Variants in NCKAP5 observed in about 807,000 individuals in gnomAD.
NCKAP5 encodes nck-associated protein 5.
Under a neutral mutation model 167.0 loss-of-function variants are expected in NCKAP5, and 92 were observed. That is an observed-to-expected ratio of 0.55 (90% CI 0.47 to 0.66). The LOEUF (loss-of-function observed/expected upper bound fraction) is 0.66. Ranked by LOEUF, NCKAP5 falls within the 30% of genes least tolerant of loss-of-function variation. The pLI, the probability that NCKAP5 is intolerant of heterozygous loss-of-function variation, is 0.00. For synonymous variants in NCKAP5, 891 were observed against 877.4 expected (o/e 1.02, Z -0.27); for missense variants, 2,378 against 2,315.0 (o/e 1.03, Z -0.56).
the NCKAP5 span, among the ~76,000 whole-genome samples, chr2:133,622,799 A>G: frequency 2.0e-5 from 3 of 151,990 alleles, no homozygotes; most frequent in Non-Finnish European, 4.4e-5. Flanking sequence ...GAACTAGAAA[A>G]AATCCTAATA....
chr2:133,127,699 C>G (rs1325291601), intron 6 of NCKAP5, among the ~76,000 whole-genome samples: 1 of 152,168 alleles, frequency 6.6e-6, no homozygotes, highest in African/African-American at 2.4e-5. Flanking sequence ...CAAGATCTGC[C>G]TCCTCCTATC....
intron 6 of NCKAP5, among the ~76,000 whole-genome samples, chr2:133,025,717 A>G (rs976053639): frequency 6.6e-6 from 1 of 152,210 alleles, no homozygotes; most frequent in African/African-American, 2.4e-5. Context: ...TTTCTAGCAC[A>G]GATTTTAGTG....
At chr2:133,039,928 G>C (rs2079157620) in intron 6 of NCKAP5, among the ~76,000 whole-genome samples, 2 of 152,134 alleles carry the variant, frequency 1.3e-5, no homozygotes, top group African/African-American at 2.4e-5. Context: ...TGAAGCTGTT[G>C]ATCATATACA....
intron 6 of NCKAP5, among the ~76,000 whole-genome samples, chr2:133,011,047 C>A (rs1293181768): frequency 6.6e-6 from 1 of 152,000 alleles, no homozygotes; most frequent in South Asian, 2.1e-4. Context: ...ACCAAATTCC[C>A]AAGTGATAGG....
intron 4 of NCKAP5, among the ~76,000 whole-genome samples, chr2:133,216,367 C>A (rs1195729774): frequency 6.6e-6 from 1 of 151,902 alleles, no homozygotes; most frequent in Admixed American, 6.6e-5. Context: ...GATGGAGAGC[C>A]TCAGGAGGAT....
intron 6 of NCKAP5, among the ~76,000 whole-genome samples, chr2:133,000,944 A>C (rs1201232070): frequency 1.3e-5 from 2 of 152,186 alleles, no homozygotes; most frequent in Non-Finnish European, 2.9e-5. Context: ...TCTATGGTGG[A>C]AAATTTAAGA....
At chr2:133,076,433 T>C (rs1402203901) in intron 6 of NCKAP5, among the ~76,000 whole-genome samples, 1 of 152,160 alleles carries the variant, frequency 6.6e-6, no homozygotes, top group Non-Finnish European at 1.5e-5. Context: ...TTCTAAATTC[T>C]AAATAAATCT....
chr2:133,192,941 A>G (rs1177560439), intron 5 of NCKAP5, among the ~76,000 whole-genome samples: 1 of 152,126 alleles, frequency 6.6e-6, no homozygotes, highest in Non-Finnish European at 1.5e-5. Flanking sequence ...AAACCTGTAC[A>G]CAAATGTTTA....
At chr2:133,443,537 A>C (rs1464863220) in intron 3 of NCKAP5, among the ~76,000 whole-genome samples, 2 of 151,330 alleles carry the variant, frequency 1.3e-5, no homozygotes, top group East Asian at 3.9e-4. Context: ...TTTCTTGCAC[A>C]CTCCCTCTCC....
rs2082543852 is a variant in NCKAP5, at chr2:133,130,037, C to T, written c.282G>A (p.Val94=). ...RLQSEKRLQE[V]TLESERNRIQ... is the part of the protein sequence containing the mutation. ...TTCTGTTGCGTTCAGACTCTAGGGT[C>T]ACCTCCTGCAACCGCTTCTCGCTTT... The change falls in exon 6 of 20, where the codon GTG becomes GTA. Residue 94 remains valine, a synonymous_variant. Transcript: ENST00000409261. The T allele has an allele frequency of 1.2e-6, 2 of 1,611,798 alleles. No homozygotes were observed. Among genetic ancestry groups the T allele is most frequent in the South Asian group, 1.1e-5 (1 of 90,502 alleles).
At chr2:133,180,520 G>T (rs1188219977) in intron 5 of NCKAP5, among the ~76,000 whole-genome samples, 1 of 151,894 alleles carries the variant, frequency 6.6e-6, no homozygotes, top group Non-Finnish European at 1.5e-5. Flanking sequence ...GTATTTTTTT[G>T]TAGAGACGCG....
At chr2:132,842,529 T>G (rs758298390) in intron 11 of NCKAP5, among the ~76,000 whole-genome samples, 4 of 151,980 alleles carry the variant, frequency 2.6e-5, no homozygotes, top group Non-Finnish European at 4.4e-5. Context: ...TTTGAGGATA[T>G]CCAACTTCCA....
At chr2:133,340,932 G>A (rs932416379) in intron 3 of NCKAP5, among the ~76,000 whole-genome samples, 1 of 152,118 alleles carries the variant, frequency 6.6e-6, no homozygotes, top group Non-Finnish European at 1.5e-5. Flanking sequence ...CACTTCTCAT[G>A]CAACACTGCA....
At chr2:132,787,387 A>G (rs1442907175) in intron 13 of NCKAP5, among the ~76,000 whole-genome samples, 1 of 151,606 alleles carries the variant, frequency 6.6e-6, no homozygotes, top group Non-Finnish European at 1.5e-5. Context: ...TTAATGGTAA[A>G]GAGCTTCAAG....
chr2:133,662,888 T>C, the NCKAP5 span, among the ~76,000 whole-genome samples: 3,116 of 151,736 alleles, frequency 0.021, 143 homozygotes, highest in East Asian at 0.19. Flanking sequence ...AAAGTGATGT[T>C]CACACTATGC....
chr2:133,097,481 G>T (rs2081379068), intron 6 of NCKAP5, among the ~76,000 whole-genome samples: 1 of 152,130 alleles, frequency 6.6e-6, no homozygotes, highest in Non-Finnish European at 1.5e-5. Context: ...AGCCTCTGAT[G>T]AAATGCAAGT....
chr2:132,756,111 G>A (rs1163835893), intron 16 of NCKAP5, among the ~76,000 whole-genome samples: 1 of 152,034 alleles, frequency 6.6e-6, no homozygotes, highest in Non-Finnish European at 1.5e-5. Flanking sequence ...ATAGCACCCA[G>A]GCTGTGAGAC....
rs540486020 is a variant in NCKAP5 at position 133,174,892 on chromosome 2, TA to T, written c.207+38823del. ...CAGATGCATCATGAGGGTAGATCCC[TA>T]AACCGAGACTGCCAAGTCCAAAGAT... is the stretch of plus-strand genomic sequence containing the variant. On this transcript the variant is annotated intron_variant, in intron 5 of 19. Coordinates refer to ENST00000409261, the MANE Select transcript of NCKAP5 (RefSeq NM_207363.3). Among the ~76,000 whole-genome samples, 23 of 152,268 alleles carry T rather than the reference TA, an allele frequency of 1.5e-4. 1 individual carries two copies. The South Asian group carries it at 4.8e-3, about 32-fold the overall frequency.
chr2:132,985,089 C>T (rs904697721), intron 7 of NCKAP5, among the ~76,000 whole-genome samples: 1 of 151,806 alleles, frequency 6.6e-6, no homozygotes, highest in African/African-American at 2.4e-5. Flanking sequence ...ACCAGCTCAC[C>T]TGTAGTAAGA....
Sources: allele counts gnomAD v4.1 joint callset (sites outside exome capture counted in the v4.1 genomes callset), GRCh38; gene constraint gnomAD v4.1.1; transcripts MANE v1.5; gene names NCBI Gene and HGNC (gene_info 2026-07-23, HGNC 2026-07-21).